PRICKLE2: variants seen among roughly 807,000 people sequenced by gnomAD.
PRICKLE2 encodes the protein prickle-like protein 2.
PRICKLE2 carries 21 observed loss-of-function variants against 81.4 expected under a neutral mutation model. The observed-to-expected ratio is 0.26, with a 90% CI of 0.18 to 0.37. The LOEUF (loss-of-function observed/expected upper bound fraction) is 0.37. Ranked by LOEUF, PRICKLE2 falls within the 10% of genes least tolerant of loss-of-function variation. The probability of loss-of-function intolerance (pLI) is 1.00; values close to 1 mark genes in which losing one functional copy is unlikely to be tolerated. For missense variants in PRICKLE2, 940 were observed against 1,109.0 expected, an observed-to-expected ratio of 0.85 and a Z score of 2.16; for synonymous variants, 456 against 421.5, an observed-to-expected ratio of 1.08 and a Z score of -1.00.
At chr3:64,191,967 G>T (rs1239117849) in intron 2 of PRICKLE2, among the ~76,000 whole-genome samples, 3 of 152,184 alleles carry the variant, frequency 2.0e-5, no homozygotes, top group African/African-American at 4.8e-5. Context: ...CTTGGAGCTG[G>T]TGGAGCTGCC....
rs566131902 is a variant in PRICKLE2, at chr3:64,219,298, G to T, written c.-41+5612C>A. Among the ~76,000 whole-genome samples, 66 of 152,270 alleles carry T rather than the reference G, an allele frequency of 4.3e-4. 1 individual carries two copies. In the South Asian group the frequency reaches 0.013, roughly 30 times the overall value. On this transcript the variant is annotated intron_variant, in intron 1 of 7. Coordinates refer to ENST00000638394, the MANE Select transcript of PRICKLE2 (RefSeq NM_198859.4). Reference sequence around the variant, plus strand: ...GATTTAGGACCTTCATGTTCAAGATGAAAGAACTGAGGCTCAGAAAACGGA... The same window carrying T: ...GATTTAGGACCTTCATGTTCAAGATTAAAGAACTGAGGCTCAGAAAACGGA...
At chr3:64,135,810 G>A (rs1332957737) in intron 7 of PRICKLE2, among the ~76,000 whole-genome samples, 1 of 152,128 alleles carries the variant, frequency 6.6e-6, no homozygotes, top group African/African-American at 2.4e-5. Flanking sequence ...AAACTTATTG[G>A]TGGAAACTAT....
At chr3:64,206,582 C>A (rs2078692799) in intron 1 of PRICKLE2, among the ~76,000 whole-genome samples, 1 of 152,214 alleles carries the variant, frequency 6.6e-6, no homozygotes, top group Non-Finnish European at 1.5e-5. Flanking sequence ...TCTGTCTTGA[C>A]TTCCACCTCC....
chr3:64,154,092 T>A (rs2077588913), intron 5 of PRICKLE2: 1 of 152,610 alleles, frequency 6.6e-6, no homozygotes, highest in Non-Finnish European at 1.5e-5. Flanking sequence ...TATCCAGATT[T>A]AAACTCATAC....
At chr3:64,124,501 C>T (rs1385799602) in intron 7 of PRICKLE2, among the ~76,000 whole-genome samples, 1 of 152,194 alleles carries the variant, frequency 6.6e-6, no homozygotes, top group Non-Finnish European at 1.5e-5. Flanking sequence ...AAGAGGAGAA[C>T]TCAATGCCTG....
chr3:64,188,917 T>A (rs1183384070), intron 2 of PRICKLE2, among the ~76,000 whole-genome samples: 1 of 152,196 alleles, frequency 6.6e-6, no homozygotes, highest in Non-Finnish European at 1.5e-5. Flanking sequence ...ATATCACCCT[T>A]TCTTATTGCT....
At chr3:64,145,482 T>TC (rs2077434291) in intron 7 of PRICKLE2, 1 of 151,816 alleles carries the variant, frequency 6.6e-6, no homozygotes, top group Non-Finnish European at 1.5e-5. Flanking sequence ...TGCCTTGGCC[T>TC]CCCAAAGTGC....
At chr3:64,146,693 A>G in intron 7 of PRICKLE2, 137 bp downstream of exon 7, 1 of 915,802 alleles carries the variant, frequency 1.1e-6, no homozygotes, top group Non-Finnish European at 1.7e-6. Context: ...CAGTGAGCGG[A>G]GATCGTGCCA....
At chr3:64,136,242 A>G (rs2077277229) in intron 7 of PRICKLE2, among the ~76,000 whole-genome samples, 1 of 151,910 alleles carries the variant, frequency 6.6e-6, no homozygotes, top group Non-Finnish European at 1.5e-5. Flanking sequence ...GTGTAGACAG[A>G]TGCAAGTTCT....
At chr3:64,118,785 C>A (rs1096169) in intron 7 of PRICKLE2, among the ~76,000 whole-genome samples, 79,677 of 151,918 alleles carry the variant, frequency 0.52, 21,287 homozygotes, top group South Asian at 0.62. Context: ...GTGAGGGTGT[C>A]GATTAGTTCA....
chr3:64,114,506 T>C (rs1321409628), intron 7 of PRICKLE2, among the ~76,000 whole-genome samples: 4 of 151,758 alleles, frequency 2.6e-5, no homozygotes. Flanking sequence ...ACAGACAAAA[T>C]AGCCAATATA....
chr3:64,094,744 C>G lies in PRICKLE2; in HGVS notation c.*4307G>C, dbSNP rs1190089817. On this transcript the variant is annotated 3_prime_UTR_variant, in exon 8 of 8. Transcript: ENST00000638394. The stretch of plus-strand genomic sequence containing the variant: ...TCTGCTGAGGCACCAGAGGGACAAA[C>G]CACTGGAGACAAGGCAAAGGCCATT... The G allele has an allele frequency of 1.3e-5, 2 of 152,654 alleles. No individual in the cohort carries two copies. Among genetic ancestry groups the G allele is most frequent in the African/African-American group, 4.8e-5 (2 of 41,456 alleles). The allele number at this position is 152,654 out of a possible 1,614,324, so 9.5% of individuals were successfully genotyped here.
At chr3:64,226,120 C>T (rs1251432413), upstream of PRICKLE2, among the ~76,000 whole-genome samples, 1 of 152,120 alleles carries the variant, frequency 6.6e-6, no homozygotes, top group African/African-American at 2.4e-5. Flanking sequence ...TCTGAAGACC[C>T]TGAGACCCTC....
rs2076608704 is a variant in PRICKLE2, at chr3:64,098,959, C to T, written c.*92G>A. ...TTTCCCTTTTCTCCCCCATAAGCCA[C>T]CCCCAAAAGCGCTTTAACATTTAAA... On this transcript the variant is annotated 3_prime_UTR_variant, in exon 8 of 8. Coordinates refer to ENST00000638394, the MANE Select transcript of PRICKLE2 (RefSeq NM_198859.4). 2.7e-6 allele frequency: 4 copies of T among 1,504,262 alleles called. No homozygotes were observed. In the Admixed American group the frequency reaches 5.0e-5, roughly 19 times the overall value. The allele number at this position is 1,504,262 out of a possible 1,614,324, so 93.2% of individuals were successfully genotyped here.
chr3:64,128,153 T>C (rs1327538031), intron 7 of PRICKLE2, among the ~76,000 whole-genome samples: 2 of 152,076 alleles, frequency 1.3e-5, no homozygotes, highest in Admixed American at 1.3e-4. Context: ...GGAGTCACAG[T>C]GTGGGCAGGA....
intron 2 of PRICKLE2, among the ~76,000 whole-genome samples, chr3:64,181,332 G>A (rs1055312255): frequency 6.6e-6 from 1 of 152,064 alleles, no homozygotes; most frequent in Non-Finnish European, 1.5e-5. Flanking sequence ...CAAAAAAGCA[G>A]TTCTGGCAGG....
intron 7 of PRICKLE2, among the ~76,000 whole-genome samples, chr3:64,124,814 C>A (rs757769434): frequency 6.6e-6 from 1 of 152,116 alleles, no homozygotes; most frequent in Admixed American, 6.5e-5. Context: ...AGAGGTATGA[C>A]GGAGATGTAC....
chr3:64,228,923 C>T (rs1356494310), upstream of PRICKLE2, among the ~76,000 whole-genome samples: 1 of 152,098 alleles, frequency 6.6e-6, no homozygotes, highest in Non-Finnish European at 1.5e-5. Context: ...GATCAGGAAC[C>T]AGGAAAAGTA....
In PRICKLE2 at chr3:64,225,280, C is replaced by A. The variant is rs1019031475; in HGVS notation, c.-411G>T. On this transcript the variant is annotated 5_prime_UTR_variant, in exon 1 of 8. Transcript: ENST00000638394. ...TCCTCTTAACTCCCCTTCTTCATGA[C>A]AATCTGAAGGAAGAAGTCATAGACT... is the stretch of plus-strand genomic sequence containing the variant. The A allele has an allele frequency of 1.0e-6, 1 of 985,506 alleles. No homozygotes were observed. Among genetic ancestry groups the A allele is most frequent in the East Asian group, 1.1e-4 (1 of 8,806 alleles). 61.0% of individuals were successfully genotyped at this position (985,506 alleles called of 1,614,324 possible). A position where few individuals can be genotyped will look rare whatever the true frequency, so the allele number is the denominator to read the frequency against.
Sources: allele counts gnomAD v4.1 joint callset (sites outside exome capture counted in the v4.1 genomes callset), GRCh38; gene constraint gnomAD v4.1.1; transcripts MANE v1.5; gene names NCBI Gene and HGNC (gene_info 2026-07-23, HGNC 2026-07-21).